The following LIN9 variants were observed in gnomAD, a reference collection of about 807,000 sequenced individuals.
The protein encoded by LIN9 is protein lin-9 homolog.
LIN9 carries 18 observed loss-of-function variants against 78.0 expected under a neutral mutation model. The observed-to-expected ratio is 0.23, with a 90% CI of 0.16 to 0.34. The LOEUF (loss-of-function observed/expected upper bound fraction) is 0.34, where lower values mean the gene tolerates loss of function less well. Among genes scored for constraint, LIN9 ranks in the 10% least tolerant of loss-of-function variants. The pLI is 1.00. For missense variants in LIN9, 451 were observed against 644.1 expected (o/e 0.70, Z 3.25); for synonymous variants, 192 against 215.2 (o/e 0.89, Z 0.94).
rs373003547 is a variant in LIN9, at chr1:226,286,982, G to C, written c.399-524C>G. Among the ~76,000 whole-genome samples, 194 of 152,298 alleles carry C rather than the reference G, an allele frequency of 1.3e-3. 5 individuals are homozygous for C. The South Asian group carries it at 0.021, about 16-fold the overall frequency. On this transcript the variant is annotated intron_variant, in intron 5 of 14. Coordinates refer to ENST00000681046, the MANE Select transcript of LIN9 (RefSeq NM_001366245.2). ...CATGAGTCTGGGAAACCAGGAACCA[G>C]TGTTGGCAATGATACATAAATGCCT...
chr1:226,232,148 C>T lies in LIN9; in HGVS notation c.*353G>A, dbSNP rs1468154991. 5.0e-6 allele frequency: 2 copies of T among 399,450 alleles called. No homozygotes were observed. The allele number at this position is 399,450 out of a possible 1,614,324, so 24.7% of individuals were successfully genotyped here. A position where few individuals can be genotyped will look rare whatever the true frequency, so the allele number is the denominator to read the frequency against. On this transcript the variant is annotated 3_prime_UTR_variant, in exon 15 of 15. Coordinates refer to ENST00000681046, the MANE Select transcript of LIN9 (RefSeq NM_001366245.2). Reference sequence around the variant, plus strand: ...CCAGGTTTCTTCATACTCTCCATTGCAGCAGTTGTCTGCATGTGTTGCGGT... The same window carrying T: ...CCAGGTTTCTTCATACTCTCCATTGTAGCAGTTGTCTGCATGTGTTGCGGT...
intron 1 of LIN9, among the ~76,000 whole-genome samples, chr1:226,306,727 A>C (rs1558214733): frequency 6.6e-6 from 1 of 152,204 alleles, no homozygotes; most frequent in Admixed American, 6.5e-5. Flanking sequence ...CCTGAACAAT[A>C]TATTAGCTAG....
At chr1:226,281,413 GTTA>G (rs1423672463) in intron 6 of LIN9, among the ~76,000 whole-genome samples, 1 of 140,628 alleles carries the variant, frequency 7.1e-6, no homozygotes, top group Non-Finnish European at 1.6e-5. Flanking sequence ...GAAAATTATA[GTTA>G]ATAATTTATT....
chr1:226,257,277 A>G (rs1659266579), intron 10 of LIN9, among the ~76,000 whole-genome samples: 1 of 152,206 alleles, frequency 6.6e-6, no homozygotes, highest in African/African-American at 2.4e-5. Flanking sequence ...TTCTTTAAAG[A>G]AAAAGAAAAT....
intron 10 of LIN9, among the ~76,000 whole-genome samples, chr1:226,256,437 C>T (rs970980501): frequency 2.6e-5 from 4 of 151,966 alleles, no homozygotes; most frequent in Non-Finnish European, 5.9e-5. Context: ...TCATAGCTCA[C>T]GCCTGTAATC....
intron 6 of LIN9, among the ~76,000 whole-genome samples, chr1:226,281,332 T>G (rs1661036224): frequency 6.6e-6 from 1 of 151,988 alleles, no homozygotes; most frequent in African/African-American, 2.4e-5. Context: ...TATAGTGAGA[T>G]AGATTAGCTA....
Position 226,292,626 on chromosome 1 carries a change from A to T in LIN9, c.264+3216T>A, listed in dbSNP as rs184540028. Reference sequence around the variant, plus strand: ...CCACCACCATGCCTGGCTAATTTTTAAAAAAAATTTTTTTTGTAGAGACAG... The same window carrying T: ...CCACCACCATGCCTGGCTAATTTTTTAAAAAAATTTTTTTTGTAGAGACAG... On this transcript the variant is annotated intron_variant, in intron 4 of 14. Coordinates refer to ENST00000681046, the MANE Select transcript of LIN9 (RefSeq NM_001366245.2). Among the ~76,000 whole-genome samples the T allele has an allele frequency of 2.0e-3, 300 of 151,910 alleles. 1 individual carries two copies. Among genetic ancestry groups the T allele is most frequent in the Admixed American group, 0.013 (193 of 15,250 alleles).
At chr1:226,239,893 AG>A (rs1413199094) in intron 11 of LIN9, among the ~76,000 whole-genome samples, 1 of 152,172 alleles carries the variant, frequency 6.6e-6, no homozygotes, top group East Asian at 1.9e-4. Context: ...AAACCTCTCT[AG>A]TCAAGGAAAA....
chr1:226,245,266 T>C (rs1318227771), intron 11 of LIN9, among the ~76,000 whole-genome samples: 2 of 152,194 alleles, frequency 1.3e-5, no homozygotes, highest in Non-Finnish European at 2.9e-5. Context: ...GACAGTGGTA[T>C]AGAAATATGA....
At chr1:226,266,899 C>A (rs1659953226) in intron 8 of LIN9, among the ~76,000 whole-genome samples, 2 of 151,800 alleles carry the variant, frequency 1.3e-5, no homozygotes, top group Non-Finnish European at 2.9e-5. Flanking sequence ...CCTGCCTCAG[C>A]CTCCCAAGTA....
At chr1:226,292,781 T>G (rs751263634) in intron 4 of LIN9, among the ~76,000 whole-genome samples, 2 of 152,130 alleles carry the variant, frequency 1.3e-5, no homozygotes, top group African/African-American at 2.4e-5. Flanking sequence ...ATATGTAAAG[T>G]CTATCTCAAC....
At chr1:226,233,231 A>T (rs2102819597) in intron 13 of LIN9, 38 bp from the exon 14 acceptor site, 2 of 1,538,736 alleles carry the variant, frequency 1.3e-6, no homozygotes, top group East Asian at 2.3e-5. Flanking sequence ...ATTGCATTAT[A>T]GCTCAAATAT....
intron 11 of LIN9, among the ~76,000 whole-genome samples, chr1:226,246,038 A>G (rs1658455643): frequency 1.3e-5 from 2 of 152,202 alleles, no homozygotes; most frequent in Admixed American, 6.5e-5. Context: ...AGACAATTGT[A>G]TAATTCTCTC....
intron 11 of LIN9, among the ~76,000 whole-genome samples, chr1:226,245,519 C>A: frequency 6.6e-6 from 1 of 152,066 alleles, no homozygotes; most frequent in East Asian, 1.9e-4. Context: ...AACTTCTGGG[C>A]TCAAGCAATC....
chr1:226,280,176 T>C (rs1660951483), intron 6 of LIN9, among the ~76,000 whole-genome samples: 1 of 152,214 alleles, frequency 6.6e-6, no homozygotes, highest in Non-Finnish European at 1.5e-5. Flanking sequence ...TATTTAAACA[T>C]CACTTTCATG....
At chr1:226,296,315 T>G (rs975545566) in intron 3 of LIN9, among the ~76,000 whole-genome samples, 1 of 152,196 alleles carries the variant, frequency 6.6e-6, no homozygotes, top group Admixed American at 6.5e-5. Context: ...TGACATGATA[T>G]GTCTGCTGCA....
intron 10 of LIN9, among the ~76,000 whole-genome samples, chr1:226,257,343 G>A (rs750704005): frequency 2.6e-5 from 4 of 152,184 alleles, no homozygotes; most frequent in African/African-American, 7.2e-5. Context: ...GAAAGAATAC[G>A]TTGAAGGTAA....
In LIN9 at chr1:226,235,310, G is replaced by A. The variant is rs1444981328; in HGVS notation, c.1246-1787C>T. 9.2e-5 allele frequency among the ~76,000 whole-genome samples: 5 copies of A among 54,106 alleles called. No individual in the cohort carries two copies. The South Asian group carries it at 1.9e-3, about 20-fold the overall frequency. 35.5% of individuals were successfully genotyped at this position (54,106 alleles called of 152,430 possible). ...GTACTCCAGCCTGGTGGACAAGAGCGAAAATCCGTCTCAAAAAAAAAAAAA... is the reference window on the plus strand; with the variant it reads ...GTACTCCAGCCTGGTGGACAAGAGCAAAAATCCGTCTCAAAAAAAAAAAAA... On this transcript the variant is annotated intron_variant, in intron 12 of 14. Transcript: ENST00000681046.
intron 7 of LIN9, among the ~76,000 whole-genome samples, chr1:226,271,494 G>T (rs1251546687): frequency 6.6e-6 from 1 of 152,154 alleles, no homozygotes; most frequent in Non-Finnish European, 1.5e-5. Context: ...CATTTTTAAT[G>T]GGCCAGTATA....
Sources: allele counts gnomAD v4.1 joint callset (sites outside exome capture counted in the v4.1 genomes callset), GRCh38; gene constraint gnomAD v4.1.1; transcripts MANE v1.5; gene names NCBI Gene and HGNC (gene_info 2026-07-23, HGNC 2026-07-21).